Variants in TMEM204 observed in about 807,000 individuals in gnomAD.
TMEM204 encodes the protein claudin-like protein 24.
A neutral mutation model predicts 19.4 loss-of-function variants in TMEM204; 15 were observed. The ratio of observed to expected loss-of-function variants is 0.77; its 90% confidence interval spans 0.52 to 1.19. The LOEUF (loss-of-function observed/expected upper bound fraction) is 1.19. TMEM204 is among the 50% of genes most tolerant of loss of function. The probability of loss-of-function intolerance (pLI) is 0.00; values close to 1 mark genes in which losing one functional copy is unlikely to be tolerated. For synonymous variants in TMEM204, 161 were observed against 146.0 expected, an observed-to-expected ratio of 1.10 and a Z score of -0.74; for missense variants, 287 against 321.2, an observed-to-expected ratio of 0.89 and a Z score of 0.81.
At chr16:1,547,505 T>C (rs1003414833) in intron 2 of TMEM204, among the ~76,000 whole-genome samples, 1 of 152,224 alleles carries the variant, frequency 6.6e-6, no homozygotes, top group Non-Finnish European at 1.5e-5. Flanking sequence ...CACTTTTTTG[T>C]TATTTACAAT....
chr16:1,553,366 G>T lies in TMEM204; in HGVS notation c.437-1416G>T, dbSNP rs147336304. 3.2e-4 allele frequency: 314 copies of T among 985,368 alleles called. No individual in the cohort carries two copies. The African/African-American group carries it at 5.0e-3, about 16-fold the overall frequency. 61.0% of individuals were successfully genotyped at this position (985,368 alleles called of 1,614,324 possible). A position where few individuals can be genotyped will look rare whatever the true frequency, so the allele number is the denominator to read the frequency against. On this transcript the variant is annotated intron_variant, in intron 2 of 2. Transcript: ENST00000566264. This position sits in a 1 kb window ranked among gnomAD's most constrained non-coding sequence, Gnocchi z 4.4. ...TCTCCCATCCTCTCTCGATGCTGGGGCCACACAGGGCAGGGCATGATTTGG... is the reference window on the plus strand; with the variant it reads ...TCTCCCATCCTCTCTCGATGCTGGGTCCACACAGGGCAGGGCATGATTTGG...
Position 1,546,226 on chromosome 16 carries a change from C to G in TMEM204, c.436+4150C>G, listed in dbSNP as rs368167142. On this transcript the variant is annotated intron_variant, in intron 2 of 2. Transcript: ENST00000566264. ...GGCTGCAGCCACAGCATGACCCTGG[C>G]ACCTGACGCCTGAGTGGCACAAGGC... Among the ~76,000 whole-genome samples, 31 of 152,348 alleles carry G rather than the reference C, an allele frequency of 2.0e-4. No homozygotes were observed. The East Asian group carries it at 5.0e-3, about 25-fold the overall frequency.
upstream of TMEM204, among the ~76,000 whole-genome samples, chr16:1,529,524 C>T (rs1195727100): frequency 6.6e-6 from 1 of 152,224 alleles, no homozygotes; most frequent in African/African-American, 2.4e-5. Flanking sequence ...ATCTCCGATT[C>T]GCGCTCCTCA....
At position 1,550,883 on chromosome 16, in the gene TMEM204, C is replaced by T. The variant is rs370220499; in HGVS notation, c.437-3899C>T. On this transcript the variant is annotated intron_variant, in intron 2 of 2. Coordinates refer to ENST00000566264, the MANE Select transcript of TMEM204 (RefSeq NM_024600.6). ...ACGCTGACCCTAGCGTGGTCCCCGG[C>T]GTGCCAGTGGAGGCTGAACAGGCCT... 5.3e-5 allele frequency among the ~76,000 whole-genome samples: 8 copies of T among 152,340 alleles called. No homozygotes were observed. In the East Asian group the frequency reaches 1.4e-3, roughly 26 times the overall value.
At position 1,535,594 on chromosome 16, in the gene TMEM204, C is replaced by T. The variant is rs72761104; in HGVS notation, c.280+1039C>T. Among the ~76,000 whole-genome samples the T allele has an allele frequency of 3.2e-3, 491 of 152,306 alleles. 1 individual carries two copies. The highest frequency in any genetic ancestry group is 5.7e-3 in the Non-Finnish European group (389 of 68,024). On this transcript the variant is annotated intron_variant, in intron 1 of 2. Coordinates refer to ENST00000566264, the MANE Select transcript of TMEM204 (RefSeq NM_024600.6). ...ACTGGGGTAACACACATCACGTGTG[C>T]CTCAACCACACAGCTCCATCCCCAA...
At chr16:1,539,748 C>A (rs2031447575) in intron 1 of TMEM204, among the ~76,000 whole-genome samples, 1 of 152,196 alleles carries the variant, frequency 6.6e-6, no homozygotes, top group Non-Finnish European at 1.5e-5. Context: ...TTCCCATGGC[C>A]CTGTCAGTGG....
upstream of TMEM204, chr16:1,533,292 G>C (rs1019717993): frequency 1.3e-5 from 2 of 152,274 alleles, no homozygotes; most frequent in South Asian, 2.1e-4. This position sits in a 1 kb window ranked among gnomAD's most constrained non-coding sequence, Gnocchi z 4.7. Context: ...ACACACGGGC[G>C]GGGGGAGGCT....
chr16:1,539,010 C>A (rs2031353115), intron 1 of TMEM204, among the ~76,000 whole-genome samples: 1 of 151,532 alleles, frequency 6.6e-6, no homozygotes, highest in African/African-American at 2.4e-5. Context: ...GCCACGCGGC[C>A]CCCCACCTCA....
chr16:1,547,322 T>C (rs1751588315), intron 2 of TMEM204, among the ~76,000 whole-genome samples: 1 of 152,210 alleles, frequency 6.6e-6, no homozygotes. Context: ...AAGTCCGCTC[T>C]TCGTGTTTTA....
upstream of TMEM204, chr16:1,531,729 C>A (rs2030515381): frequency 6.6e-6 from 1 of 152,328 alleles, no homozygotes; most frequent in African/African-American, 2.4e-5. This position sits in a 1 kb window ranked among gnomAD's most constrained non-coding sequence, Gnocchi z 4.7. Flanking sequence ...CAGCTGAGGG[C>A]ACAGGGACCT....
chr16:1,538,773 C>T (rs943414184), intron 1 of TMEM204, among the ~76,000 whole-genome samples: 3 of 152,200 alleles, frequency 2.0e-5, no homozygotes, highest in Non-Finnish European at 2.9e-5. Context: ...GTGGACAGGA[C>T]GCCCTCAAAA....
Position 1,555,191 on chromosome 16 carries a change from T to C in TMEM204, c.*165T>C. 1 of 867,634 alleles carries C rather than the reference T, an allele frequency of 1.2e-6. No homozygotes were observed. Among genetic ancestry groups the C allele is most frequent in the Non-Finnish European group, 1.7e-6 (1 of 582,472 alleles). 53.7% of individuals were successfully genotyped at this position (867,634 alleles called of 1,614,324 possible). A position where few individuals can be genotyped will look rare whatever the true frequency, so the allele number is the denominator to read the frequency against. ...CGAGACACGTGTGCGTTTACTGTTATGTCGGTCATATGTCTGTACGTGTCG... is the reference window on the plus strand; with the variant it reads ...CGAGACACGTGTGCGTTTACTGTTACGTCGGTCATATGTCTGTACGTGTCG... On this transcript the variant is annotated 3_prime_UTR_variant, in exon 3 of 3. Coordinates refer to ENST00000566264, the MANE Select transcript of TMEM204 (RefSeq NM_024600.6).
intron 1 of TMEM204, among the ~76,000 whole-genome samples, chr16:1,534,958 G>A (rs1326616024): frequency 1.3e-5 from 2 of 152,096 alleles, no homozygotes; most frequent in Non-Finnish European, 2.9e-5. Flanking sequence ...TAATCCTAGC[G>A]CTTTGGGAGG....
intron 2 of TMEM204, among the ~76,000 whole-genome samples, chr16:1,542,394 C>T (rs1030512036): frequency 6.6e-6 from 1 of 152,232 alleles, no homozygotes; most frequent in African/African-American, 2.4e-5. Flanking sequence ...TGCTGACTGG[C>T]CCTTGTGCAG....
At chr16:1,546,314 G>T (rs1486434880) in intron 2 of TMEM204, among the ~76,000 whole-genome samples, 1 of 152,208 alleles carries the variant, frequency 6.6e-6, no homozygotes, top group Non-Finnish European at 1.5e-5. Context: ...GGTGCCTGAG[G>T]ATGCTCCGAG....
rs2032877474 is a variant in TMEM204 at position 1,553,861 on chromosome 16, GT to G, written c.437-919del. The G allele has an allele frequency of 8.1e-7, 1 of 1,240,184 alleles. No individual in the cohort carries two copies. The highest frequency in any genetic ancestry group is 2.6e-5 in the Admixed American group (1 of 37,998). The allele number at this position is 1,240,184 out of a possible 1,614,324, so 76.8% of individuals were successfully genotyped here. A position where few individuals can be genotyped will look rare whatever the true frequency, so the allele number is the denominator to read the frequency against. ...GCGGCCACAGTGTCCTGTTATCCTAGTTGGTAGACTCTAGTCACGAAACCCT... is the reference window on the plus strand; with the variant it reads ...GCGGCCACAGTGTCCTGTTATCCTAGTGGTAGACTCTAGTCACGAAACCCT... On this transcript the variant is annotated intron_variant, in intron 2 of 2. Transcript: ENST00000566264. This position sits in a 1 kb window ranked among gnomAD's most constrained non-coding sequence, Gnocchi z 4.4.
At chr16:1,550,841 A>C (rs1331530433) in intron 2 of TMEM204, among the ~76,000 whole-genome samples, 2 of 152,168 alleles carry the variant, frequency 1.3e-5, no homozygotes, top group African/African-American at 4.8e-5. Context: ...AGAGCGCCCT[A>C]GCCGTCTCTG....
chr16:1,529,144 T>C (rs371139733), upstream of TMEM204, among the ~76,000 whole-genome samples: 12 of 152,150 alleles, frequency 7.9e-5, no homozygotes, highest in East Asian at 5.8e-4. Context: ...TGGTTTTACA[T>C]GTACTCGGGT....
chr16:1,550,073 G>A (rs916794607), intron 2 of TMEM204, among the ~76,000 whole-genome samples: 2 of 152,080 alleles, frequency 1.3e-5, no homozygotes, highest in Non-Finnish European at 2.9e-5. Context: ...GAATAGCTGA[G>A]GCTACAGGTG....
Sources: allele counts gnomAD v4.1 joint callset (sites outside exome capture counted in the v4.1 genomes callset), GRCh38; gene constraint gnomAD v4.1.1; non-coding constraint Gnocchi (gnomAD v3.1); transcripts MANE v1.5; gene names NCBI Gene and HGNC (gene_info 2026-07-23, HGNC 2026-07-21).